GPCPD1: variants seen among roughly 807,000 people sequenced by gnomAD.
GPCPD1 encodes the protein glycerophosphocholine phosphodiesterase GPCPD1.
A neutral mutation model predicts 89.2 loss-of-function variants in GPCPD1; 29 were observed. The ratio of observed to expected loss-of-function variants is 0.33; its 90% CI spans 0.24 to 0.44. The LOEUF is 0.44. Ranked by LOEUF, GPCPD1 falls within the 20% of genes least tolerant of loss-of-function variation. The probability of loss-of-function intolerance (pLI) is 1.00; values close to 1 mark genes in which losing one functional copy is unlikely to be tolerated. For missense variants in GPCPD1, 594 were observed against 808.9 expected (o/e 0.73, Z 3.22); for synonymous variants, 258 against 266.3 (o/e 0.97, Z 0.30).
intron 4 of GPCPD1, among the ~76,000 whole-genome samples, chr20:5,593,103 G>GA (rs1979447031): frequency 6.6e-6 from 1 of 152,110 alleles, no homozygotes; most frequent in South Asian, 2.1e-4. Context: ...AATTTCATAA[G>GA]AATACTGCAG....
At chr20:5,577,922 T>G (rs1600754957) in intron 8 of GPCPD1, among the ~76,000 whole-genome samples, 1 of 152,260 alleles carries the variant, frequency 6.6e-6, no homozygotes, top group African/African-American at 2.4e-5. Context: ...ACAAGCTTTA[T>G]AATTTCATTA....
chr20:5,555,845 ACT>A (rs1040541613), intron 19 of GPCPD1, among the ~76,000 whole-genome samples: 2 of 152,188 alleles, frequency 1.3e-5, no homozygotes, highest in African/African-American at 4.8e-5. Context: ...TAAGAGTGAG[ACT>A]CTGTCTCAAA....
chr20:5,565,922 A>G (rs1364102617), intron 14 of GPCPD1, among the ~76,000 whole-genome samples: 1 of 152,244 alleles, frequency 6.6e-6, no homozygotes, highest in Non-Finnish European at 1.5e-5. Context: ...TCTTAAAAAC[A>G]CACATACAAA....
intron 19 of GPCPD1, among the ~76,000 whole-genome samples, chr20:5,552,700 T>A (rs1985496338): frequency 6.6e-6 from 1 of 152,248 alleles, no homozygotes; most frequent in Non-Finnish European, 1.5e-5. Flanking sequence ...TATGCGTCAC[T>A]CATGCTATTT....
At chr20:5,566,631 T>A in intron 14 of GPCPD1, 102 bp downstream of exon 14, 1 of 741,598 alleles carries the variant, frequency 1.3e-6, no homozygotes. Flanking sequence ...AGTATTATAC[T>A]CATAAAAATG....
At chr20:5,588,989 GAAT>G in intron 4 of GPCPD1, among the ~76,000 whole-genome samples, 1 of 152,316 alleles carries the variant, frequency 6.6e-6, no homozygotes, top group East Asian at 1.9e-4. Context: ...AATCAAGTAA[GAAT>G]AATCCTTTGG....
rs537944329 is a variant in GPCPD1 at position 5,608,104 on chromosome 20, C to T, written c.-29+2738G>A. Among the ~76,000 whole-genome samples the T allele has an allele frequency of 2.0e-5, 3 of 152,226 alleles. No individual in the cohort carries two copies. The South Asian group carries it at 6.2e-4, about 32-fold the overall frequency. ...TATTCCTATGTACTAAAATCAACAG[C>T]TAGTACAAAATTATCTCTAGATTTC... is the stretch of plus-strand genomic sequence containing the variant. On this transcript the variant is annotated intron_variant, in intron 1 of 19. Transcript: ENST00000379019.
intron 11 of GPCPD1, 101 bp from the exon 12 acceptor site, chr20:5,570,340 C>A: frequency 6.4e-6 from 3 of 469,400 alleles, no homozygotes; most frequent in Admixed American, 4.0e-5. Context: ...AAATTACAGA[C>A]CTGTACAAAC....
chr20:5,578,324 A>T, intron 8 of GPCPD1, 56 bp downstream of exon 8: 1 of 1,069,886 alleles, frequency 9.3e-7, no homozygotes, highest in South Asian at 1.3e-5. Context: ...AACCAACGTT[A>T]AAATAAGCTT....
At chr20:5,556,790 T>A (rs553560494) in intron 19 of GPCPD1, among the ~76,000 whole-genome samples, 20 of 152,332 alleles carry the variant, frequency 1.3e-4, no homozygotes, top group Admixed American at 1.2e-3. Flanking sequence ...CTAACCTCAA[T>A]AGCAATGAAC....
intron 19 of GPCPD1, among the ~76,000 whole-genome samples, chr20:5,551,780 G>C (rs1408827812): frequency 1.3e-5 from 2 of 151,922 alleles, no homozygotes; most frequent in Non-Finnish European, 2.9e-5. Context: ...AAAATAAAAA[G>C]AACGGCCTCT....
intron 16 of GPCPD1, 73 bp from the exon 17 acceptor site, chr20:5,560,149 T>C: frequency 9.4e-7 from 1 of 1,066,404 alleles, no homozygotes; most frequent in Non-Finnish European, 1.3e-6. Flanking sequence ...GTTTTTATTC[T>C]GGCAAGCTAT....
chr20:5,547,982 T>C, intron 19 of GPCPD1, 132 bp from the exon 20 acceptor site: 1 of 498,580 alleles, frequency 2.0e-6, no homozygotes, highest in South Asian at 4.2e-5. Context: ...GTTTTTGTTT[T>C]GTTTTAAAGA....
chr20:5,591,269 C>T (rs1333781177), intron 4 of GPCPD1, among the ~76,000 whole-genome samples: 1 of 152,184 alleles, frequency 6.6e-6, no homozygotes, highest in Non-Finnish European at 1.5e-5. Flanking sequence ...AAAACGATTT[C>T]AGGACTCTTC....
intron 2 of GPCPD1, among the ~76,000 whole-genome samples, chr20:5,603,225 G>A (rs1227267507): frequency 5.3e-5 from 8 of 151,222 alleles, no homozygotes; most frequent in Non-Finnish European, 7.4e-5. Context: ...CCCGGGAGGC[G>A]GAGGTTGCAG....
chr20:5,608,076 TATTATTC>T, intron 1 of GPCPD1, among the ~76,000 whole-genome samples: 1 of 152,358 alleles, frequency 6.6e-6, no homozygotes, highest in South Asian at 2.1e-4. Context: ...GGAAATCAGA[TATTATTC>T]CTATGTACTA....
chr20:5,580,091 C>A lies in GPCPD1; in HGVS notation c.390G>T (p.Gln130His), dbSNP rs1399466159. 2.0e-6 allele frequency: 3 copies of A among 1,503,348 alleles called. No homozygotes were observed. The highest frequency in any genetic ancestry group is 2.3e-5 in the South Asian group (2 of 88,260). The allele number at this position is 1,503,348 out of a possible 1,614,324, so 93.1% of individuals were successfully genotyped here. A position where few individuals can be genotyped will look rare whatever the true frequency, so the allele number is the denominator to read the frequency against. Reference sequence around the variant, plus strand: ...AATGCAAACGTAATCTTATTTCAGTCTGACATGTCAGCCATCCAGAATCCA... The same window carrying A: ...AATGCAAACGTAATCTTATTTCAGTATGACATGTCAGCCATCCAGAATCCA... ...ETLDSGWLTC[Q>H]TEIRLRLHYS... Residue 130 changes from glutamine (Q) to histidine (H), a missense_variant, in exon 7 of 20, where the codon CAG (glutamine) becomes CAT (histidine). By Grantham distance (24) the Gln-to-His change is conservative. Transcript: ENST00000379019.
chr20:5,573,799 G>A (rs924911346), intron 11 of GPCPD1, 116 bp downstream of exon 11: 20 of 759,384 alleles, frequency 2.6e-5, no homozygotes, highest in Non-Finnish European at 4.5e-5. Context: ...TCTTCACCAT[G>A]GATCTGAATA....
At position 5,567,520 on chromosome 20, in the gene GPCPD1, A is replaced by G; in HGVS notation, c.1190T>C (p.Val397Ala). The change falls in exon 13 of 20, where the codon GTA (valine) becomes GCA (alanine). Residue 397 changes from valine to alanine, a missense_variant. Coordinates refer to ENST00000379019, the MANE Select transcript of GPCPD1 (RefSeq NM_019593.5). ...GAGTTGGTCAAATGTTAATTCTTTT[A>G]CTGGAATTTCAAATAATTCAACTGG... ...ADPVELFEIP[V>A]KELTFDQLQL... The G allele has an allele frequency of 6.4e-7, 1 of 1,562,006 alleles. No homozygotes were observed.
Sources: allele counts gnomAD v4.1 joint callset (sites outside exome capture counted in the v4.1 genomes callset), GRCh38; gene constraint gnomAD v4.1.1; transcripts MANE v1.5; gene names NCBI Gene and HGNC (gene_info 2026-07-23, HGNC 2026-07-21).